Variants in DMRT3 observed in about 807,000 individuals in gnomAD.
DMRT3 encodes the protein doublesex- and mab-3-related transcription factor 3.
Under a neutral mutation model 34.9 loss-of-function variants are expected in DMRT3, and 29 were observed. The observed-to-expected ratio is 0.83, with a 90% CI of 0.62 to 1.13. The LOEUF (loss-of-function observed/expected upper bound fraction) is 1.13, where lower values mean the gene tolerates loss of function less well. Ranked by LOEUF, DMRT3 falls within the 50% of genes most tolerant of loss-of-function variation. The pLI, the probability that DMRT3 is intolerant of heterozygous loss-of-function variation, is 0.00. For missense variants in DMRT3, 772 were observed against 629.1 expected, an observed-to-expected ratio of 1.23 and a Z score of -2.43; for synonymous variants, 350 against 286.0, an observed-to-expected ratio of 1.22 and a Z score of -2.26.
At chr9:978,331 C>G (rs1249337567) in intron 1 of DMRT3, among the ~76,000 whole-genome samples, 2 of 152,170 alleles carry the variant, frequency 1.3e-5, no homozygotes, top group African/African-American at 4.8e-5. Context: ...TGGGGAATTT[C>G]TAGCTTGCGG....
intron 1 of DMRT3, among the ~76,000 whole-genome samples, chr9:979,599 C>T (rs1381771752): frequency 7.2e-5 from 11 of 151,946 alleles, no homozygotes; most frequent in Non-Finnish European, 5.9e-5. Context: ...CCCCATAATT[C>T]CCATTTTTTT....
chr9:979,868 ACTC>A (rs747415529), intron 1 of DMRT3, among the ~76,000 whole-genome samples: 8 of 152,288 alleles, frequency 5.3e-5, no homozygotes, highest in Non-Finnish European at 1.2e-4. Context: ...TATCAGAACT[ACTC>A]CTGAATAAGT....
At chr9:985,033 A>G (rs1257813338) in intron 1 of DMRT3, among the ~76,000 whole-genome samples, 1 of 152,178 alleles carries the variant, frequency 6.6e-6, no homozygotes, top group Non-Finnish European at 1.5e-5. Flanking sequence ...TAGCATTGTT[A>G]TCTGTAGAAA....
At chr9:984,931 G>T (rs1158123386) in intron 1 of DMRT3, among the ~76,000 whole-genome samples, 1 of 151,854 alleles carries the variant, frequency 6.6e-6, no homozygotes, top group Non-Finnish European at 1.5e-5. Flanking sequence ...AAGCACTTTT[G>T]TGAGTGTTTA....
Position 977,410 on chromosome 9 carries a change from G to A in DMRT3, c.409G>A (p.Ala137Thr), listed in dbSNP as rs755578612. Reference sequence around the variant, plus strand: ...CGCGGCCGCCGCGCTGCGTTGGACTGCCGAGCCGCAGCCCGGGGCTCTGCA... The same window carrying A: ...CGCGGCCGCCGCGCTGCGTTGGACTACCGAGCCGCAGCCCGGGGCTCTGCA... ...LAAAAALRWT[A>T]EPQPGALQAQ... The change falls in exon 1 of 2, where the codon GCC (alanine) becomes ACC (threonine). Residue 137 changes from alanine to threonine, a missense_variant. Transcript: ENST00000190165. The A allele has an allele frequency of 8.7e-6, 11 of 1,260,518 alleles. No homozygotes were observed. Among genetic ancestry groups the A allele is most frequent in the Non-Finnish European group, 1.1e-5 (11 of 1,005,652 alleles). 78.1% of individuals were successfully genotyped at this position (1,260,518 alleles called of 1,614,324 possible).
chr9:978,094 G>C (rs1820175279), intron 1 of DMRT3, among the ~76,000 whole-genome samples: 1 of 152,204 alleles, frequency 6.6e-6, no homozygotes, highest in Non-Finnish European at 1.5e-5. Flanking sequence ...ATAGTAAAAG[G>C]GTCCGGAAAG....
intron 1 of DMRT3, among the ~76,000 whole-genome samples, chr9:978,940 T>A (rs953411967): frequency 6.6e-6 from 1 of 152,216 alleles, no homozygotes; most frequent in Non-Finnish European, 1.5e-5. Flanking sequence ...GTTTTATTAT[T>A]TTTCTCCCAT....
intron 1 of DMRT3, among the ~76,000 whole-genome samples, chr9:982,799 T>C (rs1372938154): frequency 6.6e-6 from 1 of 152,238 alleles, no homozygotes; most frequent in African/African-American, 2.4e-5. Context: ...CTGCCCTGCC[T>C]GCCCGCCTCC....
intron 1 of DMRT3, among the ~76,000 whole-genome samples, chr9:978,823 G>T (rs894691523): frequency 6.6e-6 from 1 of 152,202 alleles, no homozygotes; most frequent in African/African-American, 2.4e-5. Flanking sequence ...ATCCAAGTTA[G>T]CATATAAACG....
At chr9:977,525 A>G in intron 1 of DMRT3, 70 bp downstream of exon 1, 1 of 1,193,360 alleles carries the variant, frequency 8.4e-7, no homozygotes, top group Non-Finnish European at 1.0e-6. Flanking sequence ...CTGCAGCTCC[A>G]CTTGGGAGGA....
intron 1 of DMRT3, among the ~76,000 whole-genome samples, chr9:984,626 T>C (rs1820261395): frequency 6.6e-6 from 1 of 152,020 alleles, no homozygotes; most frequent in South Asian, 2.1e-4. Flanking sequence ...TCGGCTATTT[T>C]TTTTTGTATT....
chr9:981,731 G>A (rs533254188), intron 1 of DMRT3, among the ~76,000 whole-genome samples: 2 of 152,320 alleles, frequency 1.3e-5, no homozygotes, highest in East Asian at 3.9e-4. Flanking sequence ...GGCAAAGATA[G>A]GGGGCAGCGG....
chr9:982,299 G>T lies in DMRT3; in HGVS notation c.454+4844G>T, dbSNP rs116712067. 4.8e-3 allele frequency among the ~76,000 whole-genome samples: 727 copies of T among 152,306 alleles called. 4 individuals carry two copies. Among genetic ancestry groups the T allele is most frequent in the African/African-American group, 0.017 (687 of 41,566 alleles). Reference sequence around the variant, plus strand: ...GGGTCCATCCTGTGGATCTGGGACGGTTTGGCAGGAAAAACGAGAGTGTGT... The same window carrying T: ...GGGTCCATCCTGTGGATCTGGGACGTTTTGGCAGGAAAAACGAGAGTGTGT... On this transcript the variant is annotated intron_variant, in intron 1 of 1. Transcript: ENST00000190165.
rs141797734 is a variant in DMRT3 at position 990,588 on chromosome 9, T to C, written c.1002T>C (p.Phe334=). 1 of 1,614,132 alleles carries C rather than the reference T, an allele frequency of 6.2e-7. No homozygotes were observed. The highest frequency in any genetic ancestry group is 1.3e-5 in the African/African-American group (1 of 75,040). The change falls in exon 2 of 2, where the codon TTT becomes TTC. Residue 334 remains phenylalanine, a synonymous_variant. Transcript: ENST00000190165. ...CCAAATGGTCTGTGGGATCAGCCTT[T>C]CGAGTCCCAGACACGTTGAGGTTTT... The part of the protein sequence containing the change: ...SSSKWSVGSA[F]RVPDTLRFSA...
In DMRT3 at chr9:976,847, C is replaced by T. The variant is rs2130049632; in HGVS notation, c.-155C>T. ...AGCTGGAGAGACGACTGCGGCACCTCCGGCCGCCCCGGAGCACACACGACC... is the reference window on the plus strand; with the variant it reads ...AGCTGGAGAGACGACTGCGGCACCTTCGGCCGCCCCGGAGCACACACGACC... On this transcript the variant is annotated 5_prime_UTR_variant, in exon 1 of 2. Coordinates refer to ENST00000190165, the MANE Select transcript of DMRT3 (RefSeq NM_021240.4). This position sits in a 1 kb window ranked among gnomAD's most constrained non-coding sequence, Gnocchi z 4.5. 2 of 734,058 alleles carry T rather than the reference C, an allele frequency of 2.7e-6. No homozygotes were observed. The highest frequency in any genetic ancestry group is 3.4e-5 in the East Asian group (1 of 29,422). The allele number at this position is 734,058 out of a possible 1,614,324, so 45.5% of individuals were successfully genotyped here.
At position 990,895 on chromosome 9, in the gene DMRT3, A is replaced by C. The variant is rs1820355167; in HGVS notation, c.1309A>C (p.Ile437Leu). The part of the protein sequence containing the change: ...ARATEDPRIS[I>L]PDDGCPFVSK... ...CGCCACGGAAGACCCTCGGATTTCCATCCCTGATGATGGGTGTCCATTTGT... is the reference window on the plus strand; with the variant it reads ...CGCCACGGAAGACCCTCGGATTTCCCTCCCTGATGATGGGTGTCCATTTGT... The change falls in exon 2 of 2, where the codon ATC becomes CTC. Residue 437 changes from isoleucine (I) to leucine (L), a missense_variant. Coordinates refer to ENST00000190165, the MANE Select transcript of DMRT3 (RefSeq NM_021240.4). The C allele has an allele frequency of 6.2e-7, 1 of 1,614,146 alleles. No individual in the cohort carries two copies. Among genetic ancestry groups the C allele is most frequent in the African/African-American group, 1.3e-5 (1 of 75,036 alleles).
Position 976,856 on chromosome 9 carries a change from C to T in DMRT3, c.-146C>T, listed in dbSNP as rs1029816790. On this transcript the variant is annotated 5_prime_UTR_variant, in exon 1 of 2. Transcript: ENST00000190165. The surrounding 1 kb of genome is among the most constrained non-coding windows in gnomAD (Gnocchi z 4.5). ...GACGACTGCGGCACCTCCGGCCGCC[C>T]CGGAGCACACACGACCACCGGGGCT... The T allele has an allele frequency of 2.4e-6, 2 of 843,078 alleles. No individual in the cohort carries two copies. Among genetic ancestry groups the T allele is most frequent in the East Asian group, 3.3e-5 (1 of 30,052 alleles). The allele number at this position is 843,078 out of a possible 1,614,324, so 52.2% of individuals were successfully genotyped here.
chr9:986,876 G>C lies in DMRT3; in HGVS notation c.455-3165G>C, dbSNP rs185402552. Among the ~76,000 whole-genome samples, 247 of 126,168 alleles carry C rather than the reference G, an allele frequency of 2.0e-3. 1 individual carries two copies. The highest frequency in any genetic ancestry group is 7.9e-3 in the African/African-American group (243 of 30,602). The allele number at this position is 126,168 out of a possible 152,430, so 82.8% of individuals were successfully genotyped here. A position where few individuals can be genotyped will look rare whatever the true frequency, so the allele number is the denominator to read the frequency against. On this transcript the variant is annotated intron_variant, in intron 1 of 1. Coordinates refer to ENST00000190165, the MANE Select transcript of DMRT3 (RefSeq NM_021240.4). ...ACTGCACTCCAGCCTGGGTGACAGAGTGAGACTCTGTCTCAAAAAAAAAAA... is the reference window on the plus strand; with the variant it reads ...ACTGCACTCCAGCCTGGGTGACAGACTGAGACTCTGTCTCAAAAAAAAAAA...
intron 1 of DMRT3, among the ~76,000 whole-genome samples, chr9:985,507 A>G (rs962899480): frequency 6.6e-6 from 1 of 152,216 alleles, no homozygotes; most frequent in African/African-American, 2.4e-5. Context: ...AAATCTGGAG[A>G]TGTAAAGAAG....
Sources: allele counts gnomAD v4.1 joint callset (sites outside exome capture counted in the v4.1 genomes callset), GRCh38; gene constraint gnomAD v4.1.1; non-coding constraint Gnocchi (gnomAD v3.1); transcripts MANE v1.5; gene names NCBI Gene and HGNC (gene_info 2026-07-23, HGNC 2026-07-21).